The following EXOC6B variants were observed in gnomAD, a reference collection of about 807,000 sequenced individuals.
The protein encoded by EXOC6B is exocyst complex component 6B, also known as SEC15 homolog B.
A neutral mutation model predicts 113.5 loss-of-function variants in EXOC6B; 54 were observed. That is an observed-to-expected ratio of 0.48 (90% CI 0.38 to 0.60). The LOEUF (loss-of-function observed/expected upper bound fraction) is 0.60, where lower values mean the gene tolerates loss of function less well. Ranked by LOEUF, EXOC6B falls within the 20% of genes least tolerant of loss-of-function variation. EXOC6B has a pLI of 0.00. For synonymous variants in EXOC6B, 357 were observed against 339.0 expected (o/e 1.05, Z -0.58); for missense variants, 797 against 977.5 (o/e 0.82, Z 2.46).
chr2:72,405,258 A>C (rs190828730), intron 18 of EXOC6B, among the ~76,000 whole-genome samples: 29,271 of 152,000 alleles, frequency 0.19, 5,055 homozygotes, highest in African/African-American at 0.47. Flanking sequence ...GGAGAATGGA[A>C]CCAAGTCAGA....
At chr2:72,539,261 C>G (rs2105783351) in intron 8 of EXOC6B, among the ~76,000 whole-genome samples, 1 of 152,264 alleles carries the variant, frequency 6.6e-6, no homozygotes, top group Non-Finnish European at 1.5e-5. Context: ...TTCTACTCCC[C>G]ACGATGACAA....
chr2:72,800,141 C>T (rs1022380944), intron 1 of EXOC6B, among the ~76,000 whole-genome samples: 3 of 151,578 alleles, frequency 2.0e-5, no homozygotes, highest in Non-Finnish European at 4.4e-5. Context: ...ATGAAATAAT[C>T]GATTTTAAAA....
intron 18 of EXOC6B, among the ~76,000 whole-genome samples, chr2:72,421,775 C>T (rs1172472998): frequency 6.6e-6 from 1 of 152,218 alleles, no homozygotes; most frequent in East Asian, 1.9e-4. Flanking sequence ...GAGCCCCTTT[C>T]TGGGCTGGCC....
chr2:72,759,539 T>C (rs979489791), intron 1 of EXOC6B, among the ~76,000 whole-genome samples: 9 of 152,186 alleles, frequency 5.9e-5, no homozygotes, highest in African/African-American at 1.9e-4. Context: ...TTTGGGACAA[T>C]GACTTTGCCA....
chr2:72,464,168 T>C (rs1292997676), intron 18 of EXOC6B: 1 of 152,130 alleles, frequency 6.6e-6, no homozygotes, highest in East Asian at 1.9e-4. Context: ...TTAGGGATGG[T>C]AAAGTAACAC....
At chr2:72,466,635 C>T (rs148915448) in intron 17 of EXOC6B, among the ~76,000 whole-genome samples, 61 of 152,046 alleles carry the variant, frequency 4.0e-4, no homozygotes, top group African/African-American at 1.2e-3. Context: ...CTAATGTGAA[C>T]AATGCTTTAT....
At chr2:72,686,323 A>G (rs941603043) in intron 6 of EXOC6B, among the ~76,000 whole-genome samples, 1 of 152,222 alleles carries the variant, frequency 6.6e-6, no homozygotes, top group Admixed American at 6.5e-5. Flanking sequence ...CTGTAACTTA[A>G]CAAACATGCT....
chr2:72,405,702 G>T (rs1693699437), intron 18 of EXOC6B, among the ~76,000 whole-genome samples: 1 of 152,164 alleles, frequency 6.6e-6, no homozygotes. Context: ...CCTGAAGGAA[G>T]CACTAAACAT....
intron 19 of EXOC6B, among the ~76,000 whole-genome samples, chr2:72,376,205 A>G (rs906825552): frequency 3.3e-5 from 5 of 152,198 alleles, no homozygotes; most frequent in African/African-American, 1.2e-4. Flanking sequence ...TATCATTTCC[A>G]TTTAACCTGA....
At chr2:72,589,821 G>C (rs145409373) in intron 6 of EXOC6B, among the ~76,000 whole-genome samples, 1 of 150,676 alleles carries the variant, frequency 6.6e-6, no homozygotes, top group Admixed American at 6.6e-5. Context: ...AGTTGACATG[G>C]CATTGAATGG....
chr2:72,702,546 A>G (rs62148062), intron 6 of EXOC6B, among the ~76,000 whole-genome samples: 16 of 18,706 alleles, frequency 8.6e-4, no homozygotes, highest in East Asian at 0.5. Context: ...CAACAGTGTA[A>G]AAGTGTTCCT....
At chr2:72,645,402 A>G (rs545268093) in intron 6 of EXOC6B, among the ~76,000 whole-genome samples, 8 of 152,284 alleles carry the variant, frequency 5.3e-5, no homozygotes, top group African/African-American at 9.6e-5. Context: ...GTTAACAAGG[A>G]TATCCAGGAA....
At chr2:72,667,937 C>T (rs894458960) in intron 6 of EXOC6B, among the ~76,000 whole-genome samples, 4 of 152,182 alleles carry the variant, frequency 2.6e-5, no homozygotes, top group African/African-American at 9.7e-5. Flanking sequence ...AGGCAACCTA[C>T]AGAATGGGAG....
At chr2:72,512,385 A>AATTC (rs1700977809) in intron 11 of EXOC6B, among the ~76,000 whole-genome samples, 1 of 121,834 alleles carries the variant, frequency 8.2e-6, no homozygotes, top group African/African-American at 3.2e-5. Context: ...GGAAGGAAGG[A>AATTC]AGGAAGGAAG....
chr2:72,336,543 C>T (rs1264901123), intron 19 of EXOC6B, among the ~76,000 whole-genome samples: 1 of 151,836 alleles, frequency 6.6e-6, no homozygotes, highest in Non-Finnish European at 1.5e-5. Context: ...ATACACAATT[C>T]TTATTTTGAC....
chr2:72,660,590 G>A (rs1398492732), intron 6 of EXOC6B, among the ~76,000 whole-genome samples: 1 of 152,106 alleles, frequency 6.6e-6, no homozygotes, highest in African/African-American at 2.4e-5. Flanking sequence ...TAATTATTTG[G>A]TCTACACACA....
chr2:72,653,598 A>AAC (rs140579240), intron 6 of EXOC6B, among the ~76,000 whole-genome samples: 2 of 133,230 alleles, frequency 1.5e-5, no homozygotes, highest in African/African-American at 3.3e-5. Flanking sequence ...ATTGCCAGCA[A>AAC]CCCCCCCCCA....
At chr2:72,422,964 C>T (rs1325807031) in intron 18 of EXOC6B, among the ~76,000 whole-genome samples, 2 of 152,228 alleles carry the variant, frequency 1.3e-5, no homozygotes, top group Middle Eastern at 3.4e-3. Context: ...GCAGGCTGCC[C>T]GAGCCAGCAT....
chr2:72,552,476 T>C (rs1356276055), intron 8 of EXOC6B, among the ~76,000 whole-genome samples: 5 of 152,242 alleles, frequency 3.3e-5, no homozygotes, highest in African/African-American at 9.6e-5. Flanking sequence ...ATAAGTTGTT[T>C]CATAAAATAG....
Sources: allele counts gnomAD v4.1 joint callset (sites outside exome capture counted in the v4.1 genomes callset), GRCh38; gene constraint gnomAD v4.1.1; transcripts MANE v1.5; gene names NCBI Gene and HGNC (gene_info 2026-07-23, HGNC 2026-07-21).